PDE4B: variants seen among roughly 807,000 people sequenced by gnomAD.
PDE4B encodes the protein phosphodiesterase 4B.
PDE4B carries 20 observed loss-of-function variants against 82.2 expected under a neutral mutation model. That is an observed-to-expected ratio of 0.24 (90% CI 0.17 to 0.35). The LOEUF is 0.35. Ranked by LOEUF, PDE4B falls within the 10% of genes least tolerant of loss-of-function variation. PDE4B has a pLI of 1.00. For missense variants in PDE4B, 655 were observed against 907.2 expected (o/e 0.72, Z 3.57); for synonymous variants, 320 against 318.9 (o/e 1.00, Z -0.04).
At chr1:66,000,785 T>G (rs928822638) in intron 3 of PDE4B, among the ~76,000 whole-genome samples, 1 of 152,214 alleles carries the variant, frequency 6.6e-6, no homozygotes, top group Non-Finnish European at 1.5e-5. Flanking sequence ...TCAGCTTTAT[T>G]GCAAACTATG....
Position 66,293,553 on chromosome 1 carries a change from T to A in PDE4B, c.634+27466T>A, listed in dbSNP as rs576447237. Among the ~76,000 whole-genome samples, 4 of 152,318 alleles carry A rather than the reference T, an allele frequency of 2.6e-5. No homozygotes were observed. In the East Asian group the frequency reaches 7.7e-4, roughly 29 times the overall value. ...CCATCTCTAGAATTCATCCTCCGTGTCTGCAAAATGGGGATTTGGGCTTCA... is the reference window on the plus strand; with the variant it reads ...CCATCTCTAGAATTCATCCTCCGTGACTGCAAAATGGGGATTTGGGCTTCA... On this transcript the variant is annotated intron_variant, in intron 7 of 16. Transcript: ENST00000341517.
chr1:65,966,807 A>G (rs1279764541), intron 3 of PDE4B, among the ~76,000 whole-genome samples: 1 of 152,200 alleles, frequency 6.6e-6, no homozygotes, highest in Non-Finnish European at 1.5e-5. Context: ...TATTTAATAA[A>G]TGGTGTTGGG....
chr1:65,803,480 T>C (rs186795530), intron 1 of PDE4B, among the ~76,000 whole-genome samples: 2 of 152,150 alleles, frequency 1.3e-5, no homozygotes, highest in Non-Finnish European at 2.9e-5. Flanking sequence ...AAGAGAACAA[T>C]AAAAACAACA....
chr1:65,843,412 T>G lies in PDE4B; in HGVS notation c.-71+50164T>G, dbSNP rs537733687. ...GCCCTTTCCTTCCCCAAGGTACAGC[T>G]GTTAAGAGAGTGCATGAAAATTTCC... is the stretch of plus-strand genomic sequence containing the variant. On this transcript the variant is annotated intron_variant, in intron 1 of 16. Coordinates refer to ENST00000341517, the MANE Select transcript of PDE4B (RefSeq NM_002600.4). Among the ~76,000 whole-genome samples the G allele has an allele frequency of 1.3e-4, 20 of 152,324 alleles. 1 individual carries two copies. The highest frequency in any genetic ancestry group is 4.8e-4 in the African/African-American group (20 of 41,584).
At chr1:65,838,656 T>C (rs1482322606) in intron 1 of PDE4B, among the ~76,000 whole-genome samples, 1 of 150,018 alleles carries the variant, frequency 6.7e-6, no homozygotes, top group Non-Finnish European at 1.5e-5. Context: ...CATATATATA[T>C]GTTTTTTTCC....
chr1:65,799,967 A>G (rs1471512855), intron 1 of PDE4B, among the ~76,000 whole-genome samples: 1 of 152,184 alleles, frequency 6.6e-6, no homozygotes, highest in African/African-American at 2.4e-5. Context: ...TTTTGAGATC[A>G]TTCTTTTTCT....
At chr1:65,990,101 A>G (rs1354481039) in intron 3 of PDE4B, among the ~76,000 whole-genome samples, 1 of 152,182 alleles carries the variant, frequency 6.6e-6, no homozygotes, top group Non-Finnish European at 1.5e-5. Flanking sequence ...TGAACATCAC[A>G]TCTTAGAATG....
intron 3 of PDE4B, among the ~76,000 whole-genome samples, chr1:65,940,288 G>T (rs1318911878): frequency 1.3e-5 from 2 of 152,178 alleles, no homozygotes; most frequent in Non-Finnish European, 2.9e-5. Flanking sequence ...AAAGGCCGGG[G>T]TGAATGGAGA....
chr1:65,834,757 A>C (rs150680813), intron 1 of PDE4B, among the ~76,000 whole-genome samples: 1 of 152,152 alleles, frequency 6.6e-6, no homozygotes, highest in African/African-American at 2.4e-5. Context: ...TTTGACTCCA[A>C]ATTTCATTTT....
intron 3 of PDE4B, among the ~76,000 whole-genome samples, chr1:65,972,515 G>T (rs531350559): frequency 6.6e-6 from 1 of 152,242 alleles, no homozygotes; most frequent in African/African-American, 2.4e-5. Flanking sequence ...TCCTGTGGAA[G>T]AAACAATTTG....
At chr1:66,051,476 T>G (rs1315506508) in intron 3 of PDE4B, among the ~76,000 whole-genome samples, 1 of 152,122 alleles carries the variant, frequency 6.6e-6, no homozygotes, top group Non-Finnish European at 1.5e-5. Flanking sequence ...AATTATTCAT[T>G]TTAGTATTTC....
At chr1:65,875,639 A>C (rs1047898339) in intron 1 of PDE4B, among the ~76,000 whole-genome samples, 58 of 149,986 alleles carry the variant, frequency 3.9e-4, no homozygotes, top group African/African-American at 1.3e-3. Context: ...TGATGAGTTC[A>C]TGTCCTTTGT....
intron 3 of PDE4B, among the ~76,000 whole-genome samples, chr1:65,931,744 A>G (rs1431711407): frequency 6.6e-6 from 1 of 152,172 alleles, no homozygotes; most frequent in Non-Finnish European, 1.5e-5. Context: ...TCATGTCTGA[A>G]TCCCTACCCA....
In PDE4B at chr1:66,372,742, C is replaced by T. The variant is rs541084663; in HGVS notation, c.*64C>T. The T allele has an allele frequency of 2.0e-6, 3 of 1,524,266 alleles. No homozygotes were observed. The highest frequency in any genetic ancestry group is 2.7e-6 in the Non-Finnish European group (3 of 1,124,472). The allele number at this position is 1,524,266 out of a possible 1,614,324, so 94.4% of individuals were successfully genotyped here. A position where few individuals can be genotyped will look rare whatever the true frequency, so the allele number is the denominator to read the frequency against. On this transcript the variant is annotated 3_prime_UTR_variant, in exon 17 of 17. Transcript: ENST00000341517. ...TGAGCATGCCAGCTATGTGGTAGGG[C>T]CAGCCCACCATGGGGGCCAAGACCT...
intron 1 of PDE4B, among the ~76,000 whole-genome samples, chr1:65,828,086 CTG>C (rs1393273563): frequency 2.0e-5 from 3 of 151,872 alleles, no homozygotes. Flanking sequence ...AAAATAAAAA[CTG>C]AGAGAATTAA....
chr1:65,828,104 A>C (rs1557767412), intron 1 of PDE4B, among the ~76,000 whole-genome samples: 1 of 152,160 alleles, frequency 6.6e-6, no homozygotes, highest in Non-Finnish European at 1.5e-5. Flanking sequence ...ATTAATGGCT[A>C]TCAAATCGAA....
chr1:65,912,485 G>C (rs1036195749), intron 1 of PDE4B, among the ~76,000 whole-genome samples: 1 of 152,042 alleles, frequency 6.6e-6, no homozygotes, highest in Admixed American at 6.6e-5. Context: ...TAGTGTTATA[G>C]AGGTTCTTTG....
At chr1:66,225,339 G>A (rs536357011) in intron 3 of PDE4B, among the ~76,000 whole-genome samples, 2 of 152,204 alleles carry the variant, frequency 1.3e-5, no homozygotes, top group South Asian at 4.1e-4. Flanking sequence ...TCTCACTTTT[G>A]CCAAAACTCA....
At chr1:65,884,196 C>T (rs917563897) in intron 1 of PDE4B, among the ~76,000 whole-genome samples, 4 of 151,378 alleles carry the variant, frequency 2.6e-5, no homozygotes, top group African/African-American at 7.3e-5. Flanking sequence ...AGGATTCCCT[C>T]GTTTTCTATT....
Sources: allele counts gnomAD v4.1 joint callset (sites outside exome capture counted in the v4.1 genomes callset), GRCh38; gene constraint gnomAD v4.1.1; transcripts MANE v1.5; gene names NCBI Gene and HGNC (gene_info 2026-07-23, HGNC 2026-07-21).